Variants in ST6GAL1 observed in about 807,000 individuals in gnomAD.
ST6GAL1 encodes ST6 beta-galactoside alpha-2,6-sialyltransferase 1.
Under a neutral mutation model 38.0 loss-of-function variants are expected in ST6GAL1, and 20 were observed. That is an observed-to-expected ratio of 0.53 (90% CI 0.37 to 0.77). The LOEUF (loss-of-function observed/expected upper bound fraction) is 0.77. Among genes scored for constraint, ST6GAL1 ranks in the 30% least tolerant of loss-of-function variants. ST6GAL1 has a pLI of 0.00. For synonymous variants in ST6GAL1, 196 were observed against 188.2 expected, an observed-to-expected ratio of 1.04 and a Z score of -0.34; for missense variants, 432 against 496.4, an observed-to-expected ratio of 0.87 and a Z score of 1.23.
chr3:186,985,695 A>AG (rs2108541055), intron 2 of ST6GAL1, among the ~76,000 whole-genome samples: 1 of 150,940 alleles, frequency 6.6e-6, no homozygotes, highest in East Asian at 1.9e-4. Context: ...CGATTGCTTG[A>AG]GCCTCAGAGG....
At chr3:187,066,059 T>A (rs1421387813) in intron 5 of ST6GAL1, among the ~76,000 whole-genome samples, 3 of 152,178 alleles carry the variant, frequency 2.0e-5, no homozygotes, top group African/African-American at 4.8e-5. Context: ...GAAAGACAGG[T>A]ATCTGGATGG....
intron 1 of ST6GAL1, chr3:186,931,161 T>G (rs1981766): frequency 1 from 151,481 of 151,648 alleles, 75,657 homozygotes; most frequent in Middle Eastern, 1. Flanking sequence ...TGGGGTGGCG[T>G]GGGGGCATTG....
At position 187,076,427 on chromosome 3, in the gene ST6GAL1, T is replaced by G. The variant is rs1719563405; in HGVS notation, c.*624T>G. ...TTAAAGGGTCTTGGTTAGCCCACTT[T>G]CCCTCTCCATGTGGAGATGGAAGGT... On this transcript the variant is annotated 3_prime_UTR_variant, in exon 8 of 8. Transcript: ENST00000169298. The G allele has an allele frequency of 6.2e-6, 1 of 162,410 alleles. No homozygotes were observed. The highest frequency in any genetic ancestry group is 6.4e-5 in the Admixed American group (1 of 15,586). 10.1% of individuals were successfully genotyped at this position (162,410 alleles called of 1,614,324 possible). A position where few individuals can be genotyped will look rare whatever the true frequency, so the allele number is the denominator to read the frequency against.
intron 1 of ST6GAL1, among the ~76,000 whole-genome samples, chr3:186,934,895 T>G (rs1713890541): frequency 6.6e-6 from 1 of 151,898 alleles, no homozygotes; most frequent in Admixed American, 6.6e-5. Context: ...GCCTCCCGAG[T>G]AGCTGGGACT....
chr3:186,985,292 T>C (rs1715873323), intron 2 of ST6GAL1, among the ~76,000 whole-genome samples: 1 of 152,152 alleles, frequency 6.6e-6, no homozygotes, highest in Admixed American at 6.5e-5. Flanking sequence ...TAATTTGTTA[T>C]ATTTACGGCT....
chr3:187,009,265 G>T, intron 2 of ST6GAL1, among the ~76,000 whole-genome samples: 1 of 151,792 alleles, frequency 6.6e-6, no homozygotes, highest in Admixed American at 6.6e-5. Flanking sequence ...TATTTTTAAT[G>T]GTACTATGGT....
chr3:186,948,247 C>T (rs1714446421), intron 1 of ST6GAL1, among the ~76,000 whole-genome samples: 1 of 152,196 alleles, frequency 6.6e-6, no homozygotes, highest in South Asian at 2.1e-4. Context: ...CCTGCCATGT[C>T]TGGTAGACGC....
chr3:187,070,339 C>T (rs894273263), intron 5 of ST6GAL1, among the ~76,000 whole-genome samples: 7 of 151,486 alleles, frequency 4.6e-5, no homozygotes, highest in African/African-American at 1.7e-4. Context: ...GGGGTTTGCA[C>T]GTGGTTCCCC....
At chr3:186,969,798 G>A (rs917731925) in intron 2 of ST6GAL1, among the ~76,000 whole-genome samples, 5 of 152,180 alleles carry the variant, frequency 3.3e-5, no homozygotes, top group African/African-American at 1.2e-4. Flanking sequence ...TTATCTAGGC[G>A]AGGGAAGGGT....
intron 5 of ST6GAL1, among the ~76,000 whole-genome samples, chr3:187,062,414 G>A (rs1560181614): frequency 6.6e-6 from 1 of 152,042 alleles, no homozygotes; most frequent in Non-Finnish European, 1.5e-5. Context: ...CACAATAGCT[G>A]GACTGCAGAA....
chr3:186,976,248 A>T (rs899121291), intron 2 of ST6GAL1, among the ~76,000 whole-genome samples: 1 of 151,860 alleles, frequency 6.6e-6, no homozygotes, highest in Non-Finnish European at 1.5e-5. Flanking sequence ...CTCTCCTTTT[A>T]TTCACCTCCC....
At chr3:186,944,438 T>G (rs1471439253) in intron 1 of ST6GAL1, among the ~76,000 whole-genome samples, 1 of 152,330 alleles carries the variant, frequency 6.6e-6, no homozygotes, top group East Asian at 1.9e-4. Context: ...TCCTCCAAGA[T>G]AATTCCTGGG....
chr3:186,941,514 C>T (rs1237103896), intron 1 of ST6GAL1, among the ~76,000 whole-genome samples: 1 of 152,078 alleles, frequency 6.6e-6, no homozygotes, highest in Non-Finnish European at 1.5e-5. Flanking sequence ...TAAGAGGCAT[C>T]CTTTTCATGC....
rs974128670 is a variant in ST6GAL1, at chr3:187,077,148, G to A, written c.*1345G>A. ...ATCAGAACTGATTCTCACCAGGTGT[G>A]AGAGGTGTGGTAGCAGATTGCAATG... On this transcript the variant is annotated 3_prime_UTR_variant, in exon 8 of 8. Transcript: ENST00000169298. 1.0e-5 allele frequency: 4 copies of A among 397,038 alleles called. No individual in the cohort carries two copies. The highest frequency in any genetic ancestry group is 8.8e-5 in the Admixed American group (2 of 22,640). 24.6% of individuals were successfully genotyped at this position (397,038 alleles called of 1,614,324 possible).
chr3:186,999,655 C>T (rs907379346), intron 2 of ST6GAL1, among the ~76,000 whole-genome samples: 3 of 152,036 alleles, frequency 2.0e-5, no homozygotes, highest in Non-Finnish European at 4.4e-5. Flanking sequence ...ATGATCCTCC[C>T]GTCTTGGCCT....
At chr3:186,958,798 C>A (rs1249803807) in intron 1 of ST6GAL1, among the ~76,000 whole-genome samples, 1 of 151,640 alleles carries the variant, frequency 6.6e-6, no homozygotes, top group Non-Finnish European at 1.5e-5. Flanking sequence ...CCAAAAATAT[C>A]AAAAATTAGC....
At chr3:186,982,768 G>A (rs1019206173) in intron 2 of ST6GAL1, among the ~76,000 whole-genome samples, 1 of 150,266 alleles carries the variant, frequency 6.7e-6, no homozygotes, top group Non-Finnish European at 1.5e-5. Context: ...TGCAATCTCC[G>A]CTACCCGGGT....
intron 2 of ST6GAL1, among the ~76,000 whole-genome samples, chr3:187,015,450 C>T (rs896159614): frequency 1.3e-5 from 2 of 152,202 alleles, no homozygotes; most frequent in African/African-American, 4.8e-5. Context: ...TGCACATTCA[C>T]TGAAAATCAC....
intron 5 of ST6GAL1, among the ~76,000 whole-genome samples, chr3:187,064,974 G>A (rs896463999): frequency 3.3e-5 from 5 of 151,524 alleles, no homozygotes; most frequent in African/African-American, 4.8e-5. Context: ...CCCAGACGGA[G>A]AGGTCTCCTG....
Sources: gnomAD v4.1 joint callset for allele counts (sites outside exome capture counted in the v4.1 genomes callset) on GRCh38, gnomAD v4.1.1 for gene constraint, MANE v1.5 for transcripts, NCBI Gene and HGNC (gene_info 2026-07-23, HGNC 2026-07-21) for gene names.